The following VPS53 variants were observed in gnomAD, a reference collection of about 807,000 sequenced individuals.
VPS53 encodes the protein VPS53 subunit of GARP complex, also known as vacuolar protein sorting-associated protein 53 homolog.
Under a neutral mutation model 107.0 loss-of-function variants are expected in VPS53, and 70 were observed. That is an observed-to-expected ratio of 0.65 (90% confidence interval 0.54 to 0.80). VPS53 has a LOEUF of 0.80. VPS53 is among the 30% of genes least tolerant of loss of function. The pLI is 0.00. For synonymous variants in VPS53, 409 were observed against 393.3 expected (o/e 1.04, Z -0.47); for missense variants, 917 against 1,049.4 (o/e 0.87, Z 1.74).
intron 4 of VPS53, among the ~76,000 whole-genome samples, chr17:685,716 G>C (rs945319480): frequency 6.6e-6 from 1 of 152,072 alleles, no homozygotes; most frequent in African/African-American, 2.4e-5. Context: ...AGAAAAATCT[G>C]GAAACAGGTG....
chr17:652,969 C>G (rs1010727494), intron 7 of VPS53, among the ~76,000 whole-genome samples: 6 of 152,376 alleles, frequency 3.9e-5, no homozygotes, highest in Non-Finnish European at 7.3e-5. Flanking sequence ...ACACGCTGAG[C>G]TAAGTGCTTA....
At chr17:657,441 TG>T in intron 5 of VPS53, 1 of 968,146 alleles carries the variant, frequency 1.0e-6, no homozygotes, top group Non-Finnish European at 1.7e-6. Flanking sequence ...TCTCAACTTG[TG>T]GGGACTGGTG....
chr17:537,484 T>G, intron 17 of VPS53: 1 of 243,920 alleles, frequency 4.1e-6, no homozygotes, highest in Non-Finnish European at 8.1e-6. Context: ...GATCCTGTTC[T>G]CCTGCCGAGT....
chr17:614,474 G>C (rs1969043844), intron 11 of VPS53, among the ~76,000 whole-genome samples: 1 of 152,158 alleles, frequency 6.6e-6, no homozygotes, highest in South Asian at 2.1e-4. Flanking sequence ...CTCAGAAACA[G>C]AAGTTAATCG....
At chr17:656,815 C>T (rs1330754290) in intron 5 of VPS53, 37 of 1,568,214 alleles carry the variant, frequency 2.4e-5, no homozygotes, top group Middle Eastern at 1.7e-4. Flanking sequence ...TCTGTTTGGC[C>T]GCCAGTCTCT....
chr17:662,834 A>AAAGGAAGGAAGGAAGG lies in VPS53; in HGVS notation c.286-955_286-940dup, dbSNP rs796580340. On this transcript the variant is annotated intron_variant, in intron 4 of 21. Coordinates refer to ENST00000437048, the MANE Select transcript of VPS53 (RefSeq NM_001128159.3). Reference sequence around the variant, plus strand: ...AAAAGAAAGAAAGAGAAAGAGAAAGAAAGGAAGGAAGGAAGGAAGGAAGGA... The same window carrying AAAGGAAGGAAGGAAGG: ...AAAAGAAAGAAAGAGAAAGAGAAAGAAAGGAAGGAAGGAAGGAAGGAAGGAAGGAAGGAAGGAAGGA... Among the ~76,000 whole-genome samples, 125 of 121,164 alleles carry AAAGGAAGGAAGGAAGG rather than the reference A, an allele frequency of 1.0e-3. 1 individual carries two copies. The highest frequency in any genetic ancestry group is 0.01 in the East Asian group (40 of 3,882). 79.5% of individuals were successfully genotyped at this position (121,164 alleles called of 152,430 possible).
chr17:585,508 G>A (rs1398313377), intron 13 of VPS53, among the ~76,000 whole-genome samples: 8 of 152,096 alleles, frequency 5.3e-5, no homozygotes, highest in African/African-American at 1.7e-4. Context: ...AATAGAGGGT[G>A]GCATGTGCCT....
At chr17:639,964 C>T (rs1056978870) in intron 7 of VPS53, among the ~76,000 whole-genome samples, 2 of 152,226 alleles carry the variant, frequency 1.3e-5, no homozygotes, top group African/African-American at 4.8e-5. Flanking sequence ...GATGTTTCTG[C>T]TGCCTTTTGT....
At chr17:649,648 GACAGAGAA>G (rs1322533256) in intron 7 of VPS53, among the ~76,000 whole-genome samples, 2 of 151,472 alleles carry the variant, frequency 1.3e-5, no homozygotes, top group African/African-American at 4.9e-5. Flanking sequence ...TACACTTGAG[GACAGAGAA>G]ATGGAACAGG....
intron 17 of VPS53, among the ~76,000 whole-genome samples, chr17:542,955 C>T (rs1597270473): frequency 6.9e-6 from 1 of 145,928 alleles, no homozygotes; most frequent in East Asian, 2.0e-4. Flanking sequence ...TCCAGCCTGC[C>T]GGATAGAGCG....
intron 19 of VPS53, chr17:531,945 GTTT>G (rs145507855): frequency 8.9e-5 from 7 of 78,542 alleles, no homozygotes; most frequent in East Asian, 5.9e-4. Context: ...CTGGCTAATT[GTTT>G]TTTTTTTTTT....
intron 13 of VPS53, among the ~76,000 whole-genome samples, chr17:576,085 G>A (rs1004971987): frequency 3.4e-5 from 5 of 146,334 alleles, no homozygotes; most frequent in Admixed American, 6.8e-5. Flanking sequence ...AATGAGTTCC[G>A]AAAAACCACC....
At chr17:621,755 T>A (rs1437021284) in intron 11 of VPS53, among the ~76,000 whole-genome samples, 2 of 152,230 alleles carry the variant, frequency 1.3e-5, no homozygotes, top group African/African-American at 4.8e-5. Context: ...TGCTAGATAT[T>A]AATCGTTTGT....
intron 15 of VPS53, 61 bp from the exon 16 acceptor site, chr17:553,523 A>G (rs1208451024): frequency 2.3e-5 from 29 of 1,275,802 alleles, no homozygotes; most frequent in Non-Finnish European, 3.3e-5. Flanking sequence ...GTACCATCAC[A>G]ATAATAGTTA....
At chr17:621,239 G>A (rs941961901) in intron 11 of VPS53, among the ~76,000 whole-genome samples, 6 of 152,240 alleles carry the variant, frequency 3.9e-5, no homozygotes, top group South Asian at 2.1e-4. Flanking sequence ...GATGACAGGC[G>A]TGAGCTGCTG....
chr17:552,985 T>C (rs112672520), intron 16 of VPS53: 8 of 44,710 alleles, frequency 1.8e-4, no homozygotes, highest in South Asian at 7.5e-4. Flanking sequence ...GTACAAGGTA[T>C]ATACGTGCCG....
At chr17:688,855 G>C (rs1330780424) in intron 4 of VPS53, among the ~76,000 whole-genome samples, 2 of 152,178 alleles carry the variant, frequency 1.3e-5, no homozygotes, top group African/African-American at 4.8e-5. Context: ...ACGGTGTTCA[G>C]GGCACTCCCA....
chr17:586,355 G>C lies in VPS53; in HGVS notation c.1228C>G (p.Pro410Ala), dbSNP rs750551048. The change falls in exon 13 of 22, where the codon CCT becomes GCT. Residue 410 changes from proline (P) to alanine (A), a missense_variant. Pro to Ala is a conservative substitution (Grantham distance 27, BLOSUM62 -1). Coordinates refer to ENST00000437048, the MANE Select transcript of VPS53 (RefSeq NM_001128159.3). ...EKGDLDQPKK[P>A]KAPDNPFHGI... Reference sequence around the variant, plus strand: ...TGAAATGGATTGTCTGGGGCTTTAGGCTTCTTTGGCTGTAAAAACAAAGAA... The same window carrying C: ...TGAAATGGATTGTCTGGGGCTTTAGCCTTCTTTGGCTGTAAAAACAAAGAA... 11 of 1,613,874 alleles carry C rather than the reference G, an allele frequency of 6.8e-6. No homozygotes were observed. Among genetic ancestry groups the C allele is most frequent in the Non-Finnish European group, 9.3e-6 (11 of 1,179,926 alleles).
rs187315774 is a variant in VPS53 at position 586,460 on chromosome 17, G to C, written c.1219-96C>G. 2.5e-6 allele frequency: 3 copies of C among 1,208,272 alleles called. No individual in the cohort carries two copies. The East Asian group carries it at 7.5e-5, about 30-fold the overall frequency. The allele number at this position is 1,208,272 out of a possible 1,614,324, so 74.8% of individuals were successfully genotyped here. ...ACATCATTTCAAAGTTCATTCCTAAGTCACAGATAAGAGAGTACTCAATGT... is the reference window on the plus strand; with the variant it reads ...ACATCATTTCAAAGTTCATTCCTAACTCACAGATAAGAGAGTACTCAATGT... On this transcript the variant is annotated intron_variant, in intron 12 of 21. Coordinates refer to ENST00000437048, the MANE Select transcript of VPS53 (RefSeq NM_001128159.3).
Sources: allele counts gnomAD v4.1 joint callset (sites outside exome capture counted in the v4.1 genomes callset), GRCh38; gene constraint gnomAD v4.1.1; transcripts MANE v1.5; gene names NCBI Gene and HGNC (gene_info 2026-07-23, HGNC 2026-07-21).